KCNT1: variants seen among roughly 807,000 people sequenced by gnomAD.
The protein encoded by KCNT1 is potassium channel subfamily T member 1.
A neutral mutation model predicts 147.8 loss-of-function variants in KCNT1; 78 were observed. The ratio of observed to expected loss-of-function variants is 0.53; its 90% confidence interval spans 0.44 to 0.64. KCNT1 has a LOEUF of 0.64. Ranked by LOEUF, KCNT1 falls within the 30% of genes least tolerant of loss-of-function variation. KCNT1 has a pLI of 0.00. For missense variants in KCNT1, 1,419 were observed against 1,750.3 expected, an observed-to-expected ratio of 0.81 and a Z score of 3.38; for synonymous variants, 867 against 748.8, an observed-to-expected ratio of 1.16 and a Z score of -2.58.
intron 13 of KCNT1, among the ~76,000 whole-genome samples, chr9:135,767,358 A>G (rs1339069904): frequency 6.6e-6 from 1 of 152,116 alleles, no homozygotes; most frequent in Non-Finnish European, 1.5e-5. Context: ...CCTGCGGAGC[A>G]GACAGTGGTG....
At chr9:135,771,583 A>G (rs544719748) in intron 18 of KCNT1, among the ~76,000 whole-genome samples, 2 of 152,318 alleles carry the variant, frequency 1.3e-5, no homozygotes, top group East Asian at 1.9e-4. Context: ...TCCCTCAAAC[A>G]GTCGGGAGTC....
At chr9:135,741,395 C>A (rs1830561714) in intron 2 of KCNT1, among the ~76,000 whole-genome samples, 1 of 152,220 alleles carries the variant, frequency 6.6e-6, no homozygotes, top group Non-Finnish European at 1.5e-5. Context: ...TGAGGCACTG[C>A]CAGGCTCCTG....
At chr9:135,719,255 G>C (rs538288855) in intron 2 of KCNT1, among the ~76,000 whole-genome samples, 58 of 152,354 alleles carry the variant, frequency 3.8e-4, no homozygotes, top group African/African-American at 1.3e-3. Flanking sequence ...TTCTGCAGAG[G>C]GGTTAACAGC....
At chr9:135,734,709 G>A (rs1830264588) in intron 2 of KCNT1, among the ~76,000 whole-genome samples, 1 of 152,196 alleles carries the variant, frequency 6.6e-6, no homozygotes, top group Admixed American at 6.5e-5. Context: ...CGCCCCGGGT[G>A]GGCGCGCGCG....
chr9:135,732,024 A>AGATAGAGAGAGAGG (rs1836494004), intron 2 of KCNT1, among the ~76,000 whole-genome samples: 1 of 65,084 alleles, frequency 1.5e-5, no homozygotes. Context: ...AGAGAGAGAG[A>AGATAGAGAGAGAGG]GAGAGAGAGA....
Position 135,714,587 on chromosome 9 carries a change from G to GC in KCNT1, c.122dup (p.Asp43GlyfsTer96). On this transcript the variant is annotated frameshift_variant, in exon 2 of 31. Coordinates refer to ENST00000371757, the MANE Select transcript of KCNT1 (RefSeq NM_020822.3). LOFTEE classifies it high-confidence loss of function. This position sits in a 1 kb window ranked among gnomAD's most constrained non-coding sequence, Gnocchi z 6.2. Reference sequence around the variant, plus strand: ...GGCGTGTGCCCGCAGGCGGCCCTGCGCGGGGGACGGCGCGCTCCTGGACAC... The same window carrying GC: ...GGCGTGTGCCCGCAGGCGGCCCTGCGCCGGGGGACGGCGCGCTCCTGGACAC... 7.3e-7 allele frequency: 1 copy of GC among 1,373,304 alleles called. No homozygotes were observed. Among genetic ancestry groups the GC allele is most frequent in the Non-Finnish European group, 9.6e-7 (1 of 1,046,852 alleles). 85.1% of individuals were successfully genotyped at this position (1,373,304 alleles called of 1,614,324 possible).
intron 4 of KCNT1, among the ~76,000 whole-genome samples, chr9:135,753,586 C>T (rs1423379470): frequency 3.3e-5 from 5 of 152,178 alleles, no homozygotes; most frequent in Non-Finnish European, 7.4e-5. Flanking sequence ...ATGTAAGGCC[C>T]CTCCCTGGGA....
Position 135,778,767 on chromosome 9 carries a change from G to A in KCNT1, c.2674G>A (p.Glu892Lys), listed in dbSNP as rs376757326. 5.5e-5 allele frequency: 88 copies of A among 1,613,780 alleles called. No individual in the cohort carries two copies. Among genetic ancestry groups the A allele is most frequent in the Middle Eastern group, 4.9e-4 (3 of 6,084 alleles). ...VVDKESTMSAEEDYMADAKTI... is the reference protein window; with the variant it reads ...VVDKESTMSAKEDYMADAKTI... ...GGACAAGGAGAGCACCATGAGCGCC[G>A]AGGAGGACTACATGGCGGACGCCAA... Residue 892 changes from glutamate (E) to lysine (K), a missense_variant, in exon 23 of 31, where the codon GAG (glutamate) becomes AAG (lysine). By Grantham distance (56) the Glu-to-Lys change is moderately conservative (BLOSUM62 1). This residue lies in a region of KCNT1 where 247 missense variants were observed against 397.1 expected (regional missense o/e 0.62). Transcript: ENST00000371757.
At chr9:135,773,123 T>A (rs1049471565) in intron 19 of KCNT1, among the ~76,000 whole-genome samples, 174 bp downstream of exon 19, 1 of 152,176 alleles carries the variant, frequency 6.6e-6, no homozygotes, top group Non-Finnish European at 1.5e-5. Context: ...AACACAGACA[T>A]CAGGGCCACA....
intron 2 of KCNT1, among the ~76,000 whole-genome samples, chr9:135,734,554 G>A (rs1393968287): frequency 1.3e-5 from 2 of 152,150 alleles, no homozygotes; most frequent in Non-Finnish European, 2.9e-5. Context: ...AGCCGGCTGT[G>A]GGCACTCCAT....
intron 13 of KCNT1, among the ~76,000 whole-genome samples, chr9:135,766,494 T>TGTCTGGGGTG (rs1832295063): frequency 6.7e-6 from 1 of 148,430 alleles, no homozygotes; most frequent in East Asian, 2.1e-4. Flanking sequence ...CCTCTGGGGT[T>TGTCTGGGGTG]GTCTGGGGTG....
intron 13 of KCNT1, among the ~76,000 whole-genome samples, chr9:135,766,447 G>T (rs1259849505): frequency 2.0e-5 from 3 of 151,874 alleles, no homozygotes; most frequent in Admixed American, 2.0e-4. Context: ...TTGGTCCTCT[G>T]GGGTAGATCA....
chr9:135,720,890 C>A (rs1045095723), intron 2 of KCNT1, among the ~76,000 whole-genome samples: 1 of 152,196 alleles, frequency 6.6e-6, no homozygotes, highest in Non-Finnish European at 1.5e-5. Flanking sequence ...GGCCCCAGGT[C>A]CCCATGTGAC....
At chr9:135,735,622 GT>G (rs944131896) in intron 2 of KCNT1, among the ~76,000 whole-genome samples, 7 of 152,122 alleles carry the variant, frequency 4.6e-5, no homozygotes, top group African/African-American at 1.7e-4. Flanking sequence ...ACTCCCTGGA[GT>G]TGGTGCTGTC....
chr9:135,747,601 G>T (rs1055329621), intron 2 of KCNT1, among the ~76,000 whole-genome samples: 5 of 152,158 alleles, frequency 3.3e-5, no homozygotes, highest in Non-Finnish European at 5.9e-5. Context: ...AGACACTTAT[G>T]CAGGGAGGGG....
At chr9:135,703,324 G>A (rs889498362) in intron 1 of KCNT1, among the ~76,000 whole-genome samples, 6 of 152,200 alleles carry the variant, frequency 3.9e-5, no homozygotes, top group East Asian at 1.9e-4. Flanking sequence ...ACCTGAGAGC[G>A]GGAGGCCTGG....
At chr9:135,788,246 G>A (rs1018709208) in intron 29 of KCNT1, 90 of 1,174,492 alleles carry the variant, frequency 7.7e-5, no homozygotes, top group Admixed American at 1.5e-4. Context: ...GCGCCATCCC[G>A]GCCAGGCAGG....
At chr9:135,769,623 G>A (rs955096585) in intron 15 of KCNT1, among the ~76,000 whole-genome samples, 1 of 152,164 alleles carries the variant, frequency 6.6e-6, no homozygotes, top group African/African-American at 2.4e-5. Context: ...CGGGGGGCAG[G>A]CCCCATGCCA....
At chr9:135,737,611 G>T (rs1564332934) in intron 2 of KCNT1, among the ~76,000 whole-genome samples, 1 of 152,084 alleles carries the variant, frequency 6.6e-6, no homozygotes, top group Admixed American at 6.5e-5. Flanking sequence ...GTCCTTCCGG[G>T]ACAAGCATGG....
Sources: gnomAD v4.1 joint callset for allele counts (sites outside exome capture counted in the v4.1 genomes callset) on GRCh38, gnomAD v4.1.1 for gene constraint, gnomAD v4.1.1 regional missense constraint, Gnocchi (gnomAD v3.1) non-coding constraint, MANE v1.5 for transcripts, NCBI Gene and HGNC (gene_info 2026-07-23, HGNC 2026-07-21) for gene names.